LRP1B: variants seen among roughly 807,000 people sequenced by gnomAD.
The protein encoded by LRP1B is LDL receptor related protein 1B.
A neutral mutation model predicts 556.6 loss-of-function variants in LRP1B; 217 were observed. That is an observed-to-expected ratio of 0.39 (90% confidence interval 0.35 to 0.44). The LOEUF is 0.44. Among genes scored for constraint, LRP1B ranks in the 20% least tolerant of loss-of-function variants. LRP1B has a pLI of 1.00. For missense variants in LRP1B, 5,053 were observed against 5,620.8 expected, an observed-to-expected ratio of 0.90 and a Z score of 3.23; for synonymous variants, 2,047 against 1,865.8, an observed-to-expected ratio of 1.10 and a Z score of -2.50.
chr2:140,505,488 T>A (rs1042299908), intron 53 of LRP1B, among the ~76,000 whole-genome samples: 1 of 152,212 alleles, frequency 6.6e-6, no homozygotes, highest in Non-Finnish European at 1.5e-5. Context: ...CTATTTGACA[T>A]AATATGTTAT....
chr2:140,239,161 G>A (rs1441300031), intron 88 of LRP1B, among the ~76,000 whole-genome samples: 1 of 150,768 alleles, frequency 6.6e-6, no homozygotes, highest in Non-Finnish European at 1.5e-5. Flanking sequence ...TTCAAGGAAA[G>A]ATAACTGCAA....
chr2:141,877,779 A>G (rs1315038014), intron 1 of LRP1B, among the ~76,000 whole-genome samples: 1 of 151,998 alleles, frequency 6.6e-6, no homozygotes, highest in Non-Finnish European at 1.5e-5. Flanking sequence ...GCAAAGTGGT[A>G]TTCCCATAGA....
chr2:140,297,765 A>G (rs2105000149), intron 84 of LRP1B, 43 bp downstream of exon 84: 1 of 1,549,716 alleles, frequency 6.5e-7, no homozygotes, highest in Non-Finnish European at 8.8e-7. Context: ...CAGAAGATTA[A>G]CATAAACATC....
chr2:140,583,171 C>CTTTTCTTTTTTTTT (rs1553491151), intron 43 of LRP1B, among the ~76,000 whole-genome samples: 8 of 48,048 alleles, frequency 1.7e-4, no homozygotes, highest in African/African-American at 4.9e-4. Context: ...CCTTTTTTTT[C>CTTTTCTTTTTTTTT]TTTTTTTTTT....
chr2:140,876,716 G>T (rs1693317241), intron 25 of LRP1B, among the ~76,000 whole-genome samples: 1 of 152,110 alleles, frequency 6.6e-6, no homozygotes, highest in Non-Finnish European at 1.5e-5. Flanking sequence ...CAAATCCATG[G>T]CTGGGCTCAA....
At chr2:141,133,392 A>G (rs1271307706) in intron 7 of LRP1B, among the ~76,000 whole-genome samples, 1 of 151,698 alleles carries the variant, frequency 6.6e-6, no homozygotes, top group African/African-American at 2.4e-5. Flanking sequence ...TATTCTAATA[A>G]TAAGATCCTA....
chr2:141,901,920 T>C (rs2104935189), intron 1 of LRP1B, among the ~76,000 whole-genome samples: 1 of 150,102 alleles, frequency 6.7e-6, no homozygotes, highest in South Asian at 2.1e-4. Context: ...CAAATATGTG[T>C]ATGTGATTGG....
chr2:140,596,258 T>C (rs191438305), intron 43 of LRP1B, among the ~76,000 whole-genome samples: 1 of 152,178 alleles, frequency 6.6e-6, no homozygotes. Flanking sequence ...CAGCTTCAAA[T>C]GATTAGCTTG....
At chr2:141,019,869 C>A in intron 12 of LRP1B, 53 bp downstream of exon 12, 1 of 1,305,992 alleles carries the variant, frequency 7.7e-7, no homozygotes, top group South Asian at 1.6e-5. Context: ...ATGTAAGAAA[C>A]AAATTTATCT....
chr2:141,214,510 T>C (rs1412775799), intron 6 of LRP1B, among the ~76,000 whole-genome samples: 1 of 152,214 alleles, frequency 6.6e-6, no homozygotes, highest in East Asian at 1.9e-4. Context: ...AGAGCTTCCT[T>C]CACTGGAAAA....
At chr2:141,142,620 G>A (rs1701682602) in intron 7 of LRP1B, among the ~76,000 whole-genome samples, 1 of 152,040 alleles carries the variant, frequency 6.6e-6, no homozygotes, top group South Asian at 2.1e-4. Flanking sequence ...AATGAGTTGA[G>A]GCTTCAATGA....
chr2:141,333,745 A>C (rs1273133894), intron 3 of LRP1B, among the ~76,000 whole-genome samples: 5 of 152,196 alleles, frequency 3.3e-5, no homozygotes, highest in African/African-American at 4.8e-5. Context: ...TCTGAGTCCA[A>C]CTGTAGCATT....
At chr2:141,545,897 C>G (rs536756140) in intron 2 of LRP1B, among the ~76,000 whole-genome samples, 4 of 152,250 alleles carry the variant, frequency 2.6e-5, no homozygotes, top group Admixed American at 6.5e-5. Context: ...CTGCTAGCAC[C>G]TTGATTTTAG....
At chr2:140,611,877 C>G (rs1041904785) in intron 41 of LRP1B, among the ~76,000 whole-genome samples, 2 of 151,906 alleles carry the variant, frequency 1.3e-5, no homozygotes, top group Non-Finnish European at 2.9e-5. Flanking sequence ...ATTTGGCTCA[C>G]CAACTAAAAT....
intron 1 of LRP1B, among the ~76,000 whole-genome samples, chr2:142,004,060 G>A (rs945360623): frequency 6.6e-6 from 1 of 152,204 alleles, no homozygotes; most frequent in African/African-American, 2.4e-5. Context: ...CAGCTATTAT[G>A]TTCCAAGGTC....
At chr2:140,887,702 A>T (rs556376310) in intron 23 of LRP1B, among the ~76,000 whole-genome samples, 7 of 152,330 alleles carry the variant, frequency 4.6e-5, no homozygotes, top group African/African-American at 1.7e-4. Flanking sequence ...GTCTATCCAC[A>T]TGATAGATAT....
chr2:141,568,503 G>C (rs2105259338), intron 2 of LRP1B, among the ~76,000 whole-genome samples: 1 of 151,138 alleles, frequency 6.6e-6, no homozygotes, highest in Non-Finnish European at 1.5e-5. Flanking sequence ...GACTCTGATA[G>C]TATATCCATC....
chr2:140,628,945 T>C (rs1334435390), intron 41 of LRP1B, among the ~76,000 whole-genome samples: 1 of 152,148 alleles, frequency 6.6e-6, no homozygotes, highest in Admixed American at 6.5e-5. Flanking sequence ...CCTTCTACCA[T>C]GATTGTAAGT....
At chr2:142,046,528 T>C (rs1704266044) in intron 1 of LRP1B, among the ~76,000 whole-genome samples, 1 of 151,958 alleles carries the variant, frequency 6.6e-6, no homozygotes, top group African/African-American at 2.4e-5. Context: ...AAACTAAGTT[T>C]GGGGTAAGAG....
Sources: allele counts gnomAD v4.1 joint callset (sites outside exome capture counted in the v4.1 genomes callset), GRCh38; gene constraint gnomAD v4.1.1; transcripts MANE v1.5; gene names NCBI Gene and HGNC (gene_info 2026-07-23, HGNC 2026-07-21).